Variants in MYOF observed in about 807,000 individuals in gnomAD.
MYOF encodes myoferlin, also known as fer-1-like 3, myoferlin.
A neutral mutation model predicts 284.2 loss-of-function variants in MYOF; 244 were observed. The observed-to-expected ratio is 0.86, with a 90% CI of 0.77 to 0.95. The LOEUF (loss-of-function observed/expected upper bound fraction) is 0.95, where lower values mean the gene tolerates loss of function less well. Among genes scored for constraint, MYOF ranks in the 40% least tolerant of loss-of-function variants. The probability of loss-of-function intolerance (pLI) is 0.00; values close to 1 mark genes in which losing one functional copy is unlikely to be tolerated. For synonymous variants in MYOF, 904 were observed against 919.7 expected, an observed-to-expected ratio of 0.98 and a Z score of 0.31; for missense variants, 2,496 against 2,560.6, an observed-to-expected ratio of 0.97 and a Z score of 0.54.
At chr10:93,340,126 A>G in intron 39 of MYOF, 27 bp downstream of exon 39, 2 of 1,612,826 alleles carry the variant, frequency 1.2e-6, no homozygotes, top group South Asian at 2.2e-5. Context: ...TGAATCTTAA[A>G]TGTAGCAAAA....
At chr10:93,342,898 G>A (rs181765902) in intron 38 of MYOF, among the ~76,000 whole-genome samples, 287 of 152,294 alleles carry the variant, frequency 1.9e-3, no homozygotes, top group African/African-American at 6.3e-3. Context: ...CAGTAGTTTT[G>A]GCCCATGAGA....
chr10:93,356,930 T>C, intron 29 of MYOF, 82 bp from the exon 30 acceptor site: 1 of 1,336,012 alleles, frequency 7.5e-7, no homozygotes, highest in Non-Finnish European at 1.0e-6. Context: ...ATATGATCAA[T>C]CAACAGATAC....
chr10:93,333,475 T>TG (rs1456979558), intron 42 of MYOF, among the ~76,000 whole-genome samples, 163 bp from the exon 43 acceptor site: 3 of 141,928 alleles, frequency 2.1e-5, no homozygotes, highest in Non-Finnish European at 4.6e-5. Context: ...CTCCTTTGGG[T>TG]GGCATGCAGC....
At chr10:93,477,098 C>T (rs2057279880) in intron 1 of MYOF, among the ~76,000 whole-genome samples, 1 of 152,136 alleles carries the variant, frequency 6.6e-6, no homozygotes, top group South Asian at 2.1e-4. Flanking sequence ...GCAAGAAAAC[C>T]TCCGCTCAAT....
chr10:93,394,475 T>TC (rs1162329871), intron 16 of MYOF, among the ~76,000 whole-genome samples: 3 of 125,896 alleles, frequency 2.4e-5, no homozygotes, highest in African/African-American at 9.1e-5. Context: ...TTTTTTTTTT[T>TC]TTTGAGACAG....
intron 24 of MYOF, among the ~76,000 whole-genome samples, chr10:93,370,563 C>G (rs1416578732): frequency 6.6e-6 from 1 of 152,016 alleles, no homozygotes; most frequent in Non-Finnish European, 1.5e-5. Context: ...GACCCACCCA[C>G]CTCAGCCTCC....
At chr10:93,415,061 A>G (rs1721804) in intron 5 of MYOF, among the ~76,000 whole-genome samples, 87,010 of 151,934 alleles carry the variant, frequency 0.57, 30,386 homozygotes, top group Non-Finnish European at 0.76. Flanking sequence ...CATCTTTTGT[A>G]TCTTTCCAAT....
intron 5 of MYOF, among the ~76,000 whole-genome samples, chr10:93,418,531 C>G (rs995149387): frequency 2.6e-5 from 4 of 152,184 alleles, no homozygotes; most frequent in African/African-American, 9.7e-5. Context: ...AGCAGGGATG[C>G]AAATGCAGTC....
At chr10:93,333,954 G>T (rs1443778389) in intron 41 of MYOF, 41 bp from the exon 42 acceptor site, 2 of 1,595,038 alleles carry the variant, frequency 1.3e-6, no homozygotes, top group Non-Finnish European at 1.7e-6. Flanking sequence ...GCCCTGGGTG[G>T]CCCAGGTAGA....
chr10:93,373,866 C>CT (rs1309456267), intron 23 of MYOF, among the ~76,000 whole-genome samples: 1 of 151,940 alleles, frequency 6.6e-6, no homozygotes, highest in African/African-American at 2.4e-5. Flanking sequence ...TTACACCTAC[C>CT]ATTTTTTTTT....
At chr10:93,469,835 C>G (rs1256158613) in intron 1 of MYOF, among the ~76,000 whole-genome samples, 1 of 152,296 alleles carries the variant, frequency 6.6e-6, no homozygotes, top group African/African-American at 2.4e-5. Context: ...GCTGTAAGAC[C>G]TTGAGTGAGG....
At chr10:93,389,837 G>A (rs1313618169) in intron 17 of MYOF, among the ~76,000 whole-genome samples, 1 of 152,120 alleles carries the variant, frequency 6.6e-6, no homozygotes, top group African/African-American at 2.4e-5. Context: ...GGAAACTGCG[G>A]GTGAGGGTGG....
At chr10:93,355,366 G>GGTGGATCAC (rs1181778734) in intron 31 of MYOF, among the ~76,000 whole-genome samples, 2 of 152,324 alleles carry the variant, frequency 1.3e-5, no homozygotes, top group South Asian at 2.1e-4. Flanking sequence ...GGCCAAGGCG[G>GGTGGATCAC]GTGGATCACC....
At chr10:93,348,520 T>A (rs79756149) in intron 36 of MYOF, among the ~76,000 whole-genome samples, 6,687 of 152,228 alleles carry the variant, frequency 0.044, 210 homozygotes, top group Middle Eastern at 0.065. Context: ...GAGTGGTTTT[T>A]CTCATCTCTG....
chr10:93,423,011 C>T (rs1174571831), intron 5 of MYOF, among the ~76,000 whole-genome samples: 2 of 152,004 alleles, frequency 1.3e-5, no homozygotes, highest in Non-Finnish European at 2.9e-5. Flanking sequence ...TGTCTTTTAT[C>T]TGCCAGTGTA....
chr10:93,307,066 T>A, intron 53 of MYOF, 65 bp from the exon 54 acceptor site: 3 of 1,453,798 alleles, frequency 2.1e-6, no homozygotes, highest in Non-Finnish European at 2.9e-6. Flanking sequence ...AGTTAGGGTT[T>A]CTCAATCTTG....
At chr10:93,333,657 G>T in intron 42 of MYOF, 101 bp downstream of exon 42, 1 of 1,443,068 alleles carries the variant, frequency 6.9e-7, no homozygotes, top group African/African-American at 1.4e-5. Flanking sequence ...CTTTCCCCTA[G>T]TGAGATAACA....
chr10:93,332,774 G>A (rs575943185), intron 43 of MYOF, among the ~76,000 whole-genome samples: 51 of 152,116 alleles, frequency 3.4e-4, no homozygotes, highest in Non-Finnish European at 5.9e-4. Context: ...GTGAACCCAG[G>A]AGGCGGAGCT....
At chr10:93,402,482 CCACTTT>C (rs1459142681) in intron 10 of MYOF, 135 bp from the exon 11 acceptor site, 6 of 697,662 alleles carry the variant, frequency 8.6e-6, no homozygotes, top group Admixed American at 2.2e-5. Context: ...AGATGAGTGT[CCACTTT>C]CACGTCTTCT....
Sources: gnomAD v4.1 joint callset for allele counts (sites outside exome capture counted in the v4.1 genomes callset) on GRCh38, gnomAD v4.1.1 for gene constraint, MANE v1.5 for transcripts, NCBI Gene and HGNC (gene_info 2026-07-23, HGNC 2026-07-21) for gene names.